Variants in ATP8A2 observed in about 807,000 individuals in gnomAD.
ATP8A2 encodes the protein ATPase phospholipid transporting 8A2, also known as phospholipid-transporting ATPase IB.
A neutral mutation model predicts 165.6 loss-of-function variants in ATP8A2; 100 were observed. The observed-to-expected ratio is 0.60, with a 90% confidence interval of 0.51 to 0.71. The LOEUF (loss-of-function observed/expected upper bound fraction) is 0.71. Ranked by LOEUF, ATP8A2 falls within the 30% of genes least tolerant of loss-of-function variation. ATP8A2 has a pLI of 0.00. For missense variants in ATP8A2, 1,227 were observed against 1,479.5 expected, an observed-to-expected ratio of 0.83 and a Z score of 2.80; for synonymous variants, 543 against 548.8, an observed-to-expected ratio of 0.99 and a Z score of 0.15.
rs1037165782 is a variant in ATP8A2 at position 25,860,703 on chromosome 13, T to G, written c.3019-101T>G. 2.1e-5 allele frequency: 19 copies of G among 902,074 alleles called. No homozygotes were observed. The African/African-American group carries it at 3.2e-4, about 15-fold the overall frequency. 55.9% of individuals were successfully genotyped at this position (902,074 alleles called of 1,614,324 possible). On this transcript the variant is annotated intron_variant, in intron 31 of 36. Transcript: ENST00000381655. ...TGGTGCTTTCAAACCGGAGCTGCCTTGGGGAAGCTAGTTCTGGAGTGGAGA... is the reference window on the plus strand; with the variant it reads ...TGGTGCTTTCAAACCGGAGCTGCCTGGGGGAAGCTAGTTCTGGAGTGGAGA...
intron 25 of ATP8A2, among the ~76,000 whole-genome samples, chr13:25,718,204 T>C (rs1463158025): frequency 7.1e-6 from 1 of 140,278 alleles, no homozygotes; most frequent in African/African-American, 3.1e-5. Flanking sequence ...AAGATCAATT[T>C]GTCATTTATT....
chr13:25,817,740 C>T (rs548597415), intron 27 of ATP8A2, among the ~76,000 whole-genome samples: 160 of 151,690 alleles, frequency 1.1e-3, no homozygotes, highest in African/African-American at 3.7e-3. Flanking sequence ...AGTCTGTGCA[C>T]GATCATGGCT....
At chr13:25,807,173 A>T in intron 27 of ATP8A2, among the ~76,000 whole-genome samples, 1 of 151,280 alleles carries the variant, frequency 6.6e-6, no homozygotes. Flanking sequence ...TTTTTAGCAC[A>T]AATGTTTGTA....
chr13:25,515,470 G>C (rs573873057), intron 2 of ATP8A2, among the ~76,000 whole-genome samples: 1 of 152,356 alleles, frequency 6.6e-6, no homozygotes, highest in South Asian at 2.1e-4. Context: ...TTGCTTAGGC[G>C]GCAGCCCCTC....
chr13:25,465,671 C>CTTTCTTTCTTTT (rs1169633093), intron 1 of ATP8A2, among the ~76,000 whole-genome samples: 88 of 7,276 alleles, frequency 0.012, 1 homozygote, highest in African/African-American at 0.028. Context: ...AGTTTTCTTT[C>CTTTCTTTCTTTT]TTTCTTTCTT....
chr13:25,515,280 T>C (rs1220062316), intron 2 of ATP8A2, among the ~76,000 whole-genome samples: 1 of 152,274 alleles, frequency 6.6e-6, no homozygotes, highest in Admixed American at 6.5e-5. Context: ...CCAGACTCCA[T>C]AGTTGTGTGA....
intron 36 of ATP8A2, among the ~76,000 whole-genome samples, chr13:26,013,642 C>A (rs1388317772): frequency 6.6e-6 from 1 of 150,904 alleles, no homozygotes; most frequent in Non-Finnish European, 1.5e-5. Context: ...CCATTGCACT[C>A]CAGCCTGGGC....
intron 33 of ATP8A2, among the ~76,000 whole-genome samples, chr13:25,895,990 G>A (rs1953533301): frequency 6.6e-6 from 1 of 152,076 alleles, no homozygotes; most frequent in South Asian, 2.1e-4. Flanking sequence ...ACCAGCTCCT[G>A]GATTCATTGA....
chr13:25,802,886 T>C (rs1477590543), intron 27 of ATP8A2, among the ~76,000 whole-genome samples: 1 of 151,884 alleles, frequency 6.6e-6, no homozygotes, highest in Non-Finnish European at 1.5e-5. Flanking sequence ...TGATGAAATA[T>C]GCGCACAGAA....
chr13:25,488,527 G>A (rs925510637), intron 2 of ATP8A2, among the ~76,000 whole-genome samples: 1 of 152,114 alleles, frequency 6.6e-6, no homozygotes, highest in African/African-American at 2.4e-5. Flanking sequence ...GATTGCTTGA[G>A]CTCAGGAGTT....
At chr13:25,888,382 G>A (rs1953233162) in intron 33 of ATP8A2, among the ~76,000 whole-genome samples, 1 of 152,106 alleles carries the variant, frequency 6.6e-6, no homozygotes, top group Non-Finnish European at 1.5e-5. Context: ...TAAAACTTCC[G>A]GAATTGGCTG....
chr13:26,017,230 T>C (rs527318482), intron 36 of ATP8A2, among the ~76,000 whole-genome samples: 1 of 152,258 alleles, frequency 6.6e-6, no homozygotes, highest in Admixed American at 6.5e-5. Context: ...GTGCAGCAGC[T>C]GTGGAGCCAG....
intron 24 of ATP8A2, among the ~76,000 whole-genome samples, chr13:25,646,654 C>CAAA (rs71186893): frequency 1.3e-3 from 10 of 8,000 alleles, no homozygotes; most frequent in East Asian, 3.6e-3. Context: ...GACTCCATCT[C>CAAA]AAAAAAAAAA....
intron 25 of ATP8A2, among the ~76,000 whole-genome samples, chr13:25,730,566 G>C (rs570697088): frequency 6.6e-6 from 1 of 152,172 alleles, no homozygotes; most frequent in African/African-American, 2.4e-5. Flanking sequence ...ACACTCACAA[G>C]TAGTATCCAT....
Position 25,960,173 on chromosome 13 carries a change from G to A in ATP8A2, c.3184-1402G>A, listed in dbSNP as rs77895442. Among the ~76,000 whole-genome samples, 1,384 of 152,328 alleles carry A rather than the reference G, an allele frequency of 9.1e-3. 15 individuals are homozygous for A. Among genetic ancestry groups the A allele is most frequent in the Middle Eastern group, 0.02 (6 of 294 alleles). On this transcript the variant is annotated intron_variant, in intron 33 of 36. Coordinates refer to ENST00000381655, the MANE Select transcript of ATP8A2 (RefSeq NM_016529.6). ...GCTTGGGATCAGGGTAAGCGGGTGG[G>A]GATGCTGTGAGTATAGACGCTGGGC...
chr13:25,736,200 A>G (rs1441040042), intron 25 of ATP8A2, among the ~76,000 whole-genome samples: 1 of 152,202 alleles, frequency 6.6e-6, no homozygotes, highest in East Asian at 1.9e-4. Context: ...ACAATGACAG[A>G]TTTCTCAGAT....
chr13:25,852,477 C>G (rs1441222386), intron 30 of ATP8A2, among the ~76,000 whole-genome samples: 1 of 152,200 alleles, frequency 6.6e-6, no homozygotes, highest in Non-Finnish European at 1.5e-5. Flanking sequence ...TCTGTGCTTC[C>G]TTATGTGGTA....
At chr13:25,705,302 C>T in intron 25 of ATP8A2, 1 of 278,952 alleles carries the variant, frequency 3.6e-6, no homozygotes, top group Non-Finnish European at 7.0e-6. Flanking sequence ...TCATCAGTGA[C>T]CCCCTGTGAG....
At chr13:25,518,211 A>G (rs977375149) in intron 2 of ATP8A2, among the ~76,000 whole-genome samples, 1 of 152,208 alleles carries the variant, frequency 6.6e-6, no homozygotes. Flanking sequence ...TCTTGTCCTC[A>G]ACTTCCAATC....
Sources: gnomAD v4.1 joint callset for allele counts (sites outside exome capture counted in the v4.1 genomes callset) on GRCh38, gnomAD v4.1.1 for gene constraint, MANE v1.5 for transcripts, NCBI Gene and HGNC (gene_info 2026-07-23, HGNC 2026-07-21) for gene names.